The following FIG4 variants were observed in gnomAD, a reference collection of about 807,000 sequenced individuals.
FIG4 encodes the protein FIG4 phosphoinositide 5-phosphatase, also known as polyphosphoinositide phosphatase.
A neutral mutation model predicts 118.6 loss-of-function variants in FIG4; 112 were observed. The ratio of observed to expected loss-of-function variants is 0.94; its 90% CI spans 0.81 to 1.11. FIG4 has a LOEUF of 1.11. FIG4 is among the 50% of genes least tolerant of loss of function. The pLI is 0.00. For missense variants in FIG4, 969 were observed against 1,111.7 expected (o/e 0.87, Z 1.83); for synonymous variants, 369 against 381.2 (o/e 0.97, Z 0.37).
At chr6:109,700,360 T>A (rs991575657) in intron 1 of FIG4, among the ~76,000 whole-genome samples, 1 of 152,024 alleles carries the variant, frequency 6.6e-6, no homozygotes, top group African/African-American at 2.4e-5. Context: ...AAAATCAATC[T>A]GAAAAATAAA....
rs376154167 is a variant in FIG4 at position 109,809,019 on chromosome 6, C to T, written c.2546+12168C>T. Among the ~76,000 whole-genome samples the T allele has an allele frequency of 6.6e-5, 10 of 152,272 alleles. No individual in the cohort carries two copies. The East Asian group carries it at 1.9e-3, about 29-fold the overall frequency. ...AAGCATTCATTCCAAGTGTGACATG[C>T]ATCAATGGATAAGAGAGTATGAGAA... On this transcript the variant is annotated intron_variant, in intron 22 of 22. Transcript: ENST00000230124.
chr6:109,752,125 G>A (rs1041515427), intron 10 of FIG4, among the ~76,000 whole-genome samples: 8 of 151,212 alleles, frequency 5.3e-5, no homozygotes, highest in African/African-American at 1.9e-4. Flanking sequence ...TACTGAGAAT[G>A]ATGATTTCCA....
chr6:109,725,062 G>A (rs952178829), intron 3 of FIG4, among the ~76,000 whole-genome samples: 1 of 151,930 alleles, frequency 6.6e-6, no homozygotes, highest in African/African-American at 2.4e-5. Context: ...GAGACTAAGA[G>A]GAATGAATGA....
At chr6:109,694,946 G>T (rs535208419) in intron 1 of FIG4, among the ~76,000 whole-genome samples, 2 of 152,290 alleles carry the variant, frequency 1.3e-5, no homozygotes, top group South Asian at 4.1e-4. Flanking sequence ...TCAAATGCTG[G>T]TGAGGATATG....
intron 22 of FIG4, among the ~76,000 whole-genome samples, chr6:109,821,705 T>G (rs1405705210): frequency 1.3e-5 from 2 of 152,106 alleles, no homozygotes; most frequent in Non-Finnish European, 2.9e-5. Context: ...CCAGCCATAG[T>G]GTTACCAAAG....
At chr6:109,739,887 C>T (rs1174733052) in intron 7 of FIG4, among the ~76,000 whole-genome samples, 1 of 152,136 alleles carries the variant, frequency 6.6e-6, no homozygotes, top group Non-Finnish European at 1.5e-5. Flanking sequence ...CGAGGTTAGC[C>T]TTGAAGAGCA....
rs1327721938 is a variant in FIG4, at chr6:109,735,886, G to A, written c.646+588G>A. Among the ~76,000 whole-genome samples the A allele has an allele frequency of 3.3e-5, 5 of 151,722 alleles. No individual in the cohort carries two copies. In the East Asian group the frequency reaches 5.8e-4, roughly 18 times the overall value. On this transcript the variant is annotated intron_variant, in intron 6 of 22. Transcript: ENST00000230124. Reference sequence around the variant, plus strand: ...GTCAGAGGTCGTTATTACTTTGATCGGTCCCAGCTTGACCCATCAGTCCTG... The same window carrying A: ...GTCAGAGGTCGTTATTACTTTGATCAGTCCCAGCTTGACCCATCAGTCCTG...
intron 3 of FIG4, among the ~76,000 whole-genome samples, chr6:109,722,613 T>A (rs1246510191): frequency 6.6e-6 from 1 of 151,168 alleles, no homozygotes; most frequent in African/African-American, 2.4e-5. Context: ...AAGATTCTTA[T>A]ATATATATAT....
chr6:109,796,090 T>C (rs576355335), intron 21 of FIG4, among the ~76,000 whole-genome samples: 1 of 152,374 alleles, frequency 6.6e-6, no homozygotes, highest in South Asian at 2.1e-4. Context: ...CCTCTGGCTC[T>C]TAGCTCAAAG....
rs1027448245 is a variant in FIG4 at position 109,745,331 on chromosome 6, G to A, written c.1137+1559G>A. ...GTTTCCTGACTTTTAAATGATCGCC[G>A]TTCTAACTGGCATGAGATGGTATCT... On this transcript the variant is annotated intron_variant, in intron 10 of 22. Coordinates refer to ENST00000230124, the MANE Select transcript of FIG4 (RefSeq NM_014845.6). 4.6e-5 allele frequency among the ~76,000 whole-genome samples: 7 copies of A among 152,130 alleles called. No individual in the cohort carries two copies. In the East Asian group the frequency reaches 5.8e-4, roughly 13 times the overall value.
At position 109,783,021 on chromosome 6, in the gene FIG4, C is replaced by G. The variant is rs1483024211; in HGVS notation, c.1890-1949C>G. 2.6e-5 allele frequency among the ~76,000 whole-genome samples: 4 copies of G among 152,214 alleles called. No homozygotes were observed. The East Asian group carries it at 7.7e-4, about 29-fold the overall frequency. On this transcript the variant is annotated intron_variant, in intron 16 of 22. Transcript: ENST00000230124. ...AGCAAACTAATGCAGGAACAGAAAA[C>G]TAAACACTGCGTGTTCTCACTTAAA...
chr6:109,814,816 A>G (rs1778815529), intron 22 of FIG4, among the ~76,000 whole-genome samples: 2 of 152,120 alleles, frequency 1.3e-5, no homozygotes, highest in African/African-American at 4.8e-5. Flanking sequence ...CAGCCCTGAA[A>G]TCATTTCTCT....
At chr6:109,808,350 C>CAAAAAAAAAAAAAAAAAAAAA (rs55948419) in intron 22 of FIG4, among the ~76,000 whole-genome samples, 3 of 67,044 alleles carry the variant, frequency 4.5e-5, no homozygotes, top group Admixed American at 1.9e-4. Flanking sequence ...ACACTCACAG[C>CAAAAAAAAAAAAAAAAAAAAA]AAAAAAAAAA....
At chr6:109,794,715 A>T (rs1243681314) in intron 21 of FIG4, among the ~76,000 whole-genome samples, 2 of 152,206 alleles carry the variant, frequency 1.3e-5, no homozygotes, top group African/African-American at 2.4e-5. Flanking sequence ...CTGAATTGGC[A>T]GGTGCCCCTG....
chr6:109,786,127 C>G (rs2128396203), intron 17 of FIG4, 175 bp from the exon 18 acceptor site: 1 of 609,996 alleles, frequency 1.6e-6, no homozygotes, highest in Non-Finnish European at 2.9e-6. Flanking sequence ...TTCTATGCAT[C>G]TATCTCATCT....
chr6:109,720,944 T>C (rs572918359), intron 3 of FIG4, among the ~76,000 whole-genome samples: 2 of 152,318 alleles, frequency 1.3e-5, no homozygotes, highest in East Asian at 3.9e-4. Flanking sequence ...AGTTGTTTTA[T>C]GTGGTCCTAG....
chr6:109,752,103 C>T (rs1257709056), intron 10 of FIG4, among the ~76,000 whole-genome samples: 1 of 150,030 alleles, frequency 6.7e-6, no homozygotes, highest in Admixed American at 6.7e-5. Flanking sequence ...GTTTTTTGTT[C>T]TTGCGATAGT....
chr6:109,734,376 T>C (rs1045176622), intron 5 of FIG4, among the ~76,000 whole-genome samples: 24 of 151,016 alleles, frequency 1.6e-4, no homozygotes, highest in Admixed American at 2.6e-4. Flanking sequence ...ACTATACATA[T>C]ATATAGTATA....
In FIG4 at chr6:109,700,065, A is replaced by G. The variant is rs531157247; in HGVS notation, c.66+8564A>G. On this transcript the variant is annotated intron_variant, in intron 1 of 22. Transcript: ENST00000230124. Reference sequence around the variant, plus strand: ...GCTCTCAGGACTGAATCACTTCCAAAAAGTCCCACTTCTGAATACTATTGC... The same window carrying G: ...GCTCTCAGGACTGAATCACTTCCAAGAAGTCCCACTTCTGAATACTATTGC... Among the ~76,000 whole-genome samples the G allele has an allele frequency of 1.2e-4, 19 of 152,268 alleles. 1 individual carries two copies. The highest frequency in any genetic ancestry group is 1.2e-3 in the Admixed American group (18 of 15,302).
Sources: gnomAD v4.1 joint callset for allele counts (sites outside exome capture counted in the v4.1 genomes callset) on GRCh38, gnomAD v4.1.1 for gene constraint, MANE v1.5 for transcripts, NCBI Gene and HGNC (gene_info 2026-07-23, HGNC 2026-07-21) for gene names.